POMT1: variants seen among roughly 807,000 people sequenced by gnomAD.
POMT1 encodes the protein protein O-mannosyl-transferase 1.
Under a neutral mutation model 101.6 loss-of-function variants are expected in POMT1, and 85 were observed. That is an observed-to-expected ratio of 0.84 (90% CI 0.70 to 1.00). The LOEUF (loss-of-function observed/expected upper bound fraction) is 1.00, where lower values mean the gene tolerates loss of function less well. Among genes scored for constraint, POMT1 ranks in the 50% least tolerant of loss-of-function variants. The pLI, the probability that POMT1 is intolerant of heterozygous loss-of-function variation, is 0.00. For synonymous variants in POMT1, 371 were observed against 383.0 expected (o/e 0.97, Z 0.37); for missense variants, 857 against 930.4 (o/e 0.92, Z 1.03).
chr9:131,504,111 G>T, intron 1 of POMT1, 78 bp from the exon 2 acceptor site: 1 of 1,552,822 alleles, frequency 6.4e-7, no homozygotes, highest in South Asian at 1.1e-5. Context: ...TCGTGTGTCC[G>T]GGAGCCGGGT....
chr9:131,515,738 G>A (rs1279914985), intron 13 of POMT1, among the ~76,000 whole-genome samples: 2 of 32,946 alleles, frequency 6.1e-5, no homozygotes, highest in African/African-American at 8.1e-5. Context: ...CCTGTAACAG[G>A]ACACTTCCTC....
At chr9:131,515,131 C>T (rs147022187) in intron 12 of POMT1, among the ~76,000 whole-genome samples, 148 of 152,310 alleles carry the variant, frequency 9.7e-4, no homozygotes, top group African/African-American at 3.4e-3. Context: ...CCTGGGCGCA[C>T]GGTTCCTTCC....
At chr9:131,515,752 CGGAGCACTTCCTCTAACAT>C (rs1408473919) in intron 13 of POMT1, among the ~76,000 whole-genome samples, 3 of 38,270 alleles carry the variant, frequency 7.8e-5, no homozygotes, top group African/African-American at 1.9e-4. Context: ...CTTCCTCACA[CGGAGCACTTCCTCTAACAT>C]GGAGCACTTC....
Position 131,522,386 on chromosome 9 carries a change from CA to C in POMT1, c.2003+163del. On this transcript the variant is annotated intron_variant, in intron 19 of 19. Coordinates refer to ENST00000402686, the MANE Select transcript of POMT1 (RefSeq NM_001077365.2). The surrounding 1 kb of genome is among the most constrained non-coding windows in gnomAD (Gnocchi z 5.5). Reference sequence around the variant, plus strand: ...ATGGGTGAGGTTCAGAAGAGATGCCCAGATGAGGCACTGCAGGAACCCAGAG... The same window carrying C: ...ATGGGTGAGGTTCAGAAGAGATGCCCGATGAGGCACTGCAGGAACCCAGAG... 5 of 1,392,106 alleles carry C rather than the reference CA, an allele frequency of 3.6e-6. No individual in the cohort carries two copies. The highest frequency in any genetic ancestry group is 4.8e-6 in the Non-Finnish European group (5 of 1,040,514). 86.2% of individuals were successfully genotyped at this position (1,392,106 alleles called of 1,614,324 possible). A position where few individuals can be genotyped will look rare whatever the true frequency, so the allele number is the denominator to read the frequency against.
Position 131,508,904 on chromosome 9 carries a change from G to A in POMT1, c.428-7G>A, listed in dbSNP as rs1163773811. ...TAAAATTGACATGTGTTTCCTCTTTGAAACAGAGAATGCTCTCATCACTCA... is the reference window on the plus strand; with the variant it reads ...TAAAATTGACATGTGTTTCCTCTTTAAAACAGAGAATGCTCTCATCACTCA... On this transcript the variant is annotated splice_region_variant and splice_polypyrimidine_tract_variant and intron_variant, in intron 5 of 19. Coordinates refer to ENST00000402686, the MANE Select transcript of POMT1 (RefSeq NM_001077365.2). 3.1e-6 allele frequency: 5 copies of A among 1,597,468 alleles called. No homozygotes were observed. Among genetic ancestry groups the A allele is most frequent in the Non-Finnish European group, 4.3e-6 (5 of 1,164,896 alleles).
rs139747841 is a variant in POMT1, at chr9:131,513,402, G to A, written c.1175+71G>A. 1.6e-4 allele frequency: 226 copies of A among 1,407,154 alleles called. No individual in the cohort carries two copies. In the African/African-American group the frequency reaches 2.3e-3, roughly 14 times the overall value. 87.2% of individuals were successfully genotyped at this position (1,407,154 alleles called of 1,614,324 possible). A position where few individuals can be genotyped will look rare whatever the true frequency, so the allele number is the denominator to read the frequency against. On this transcript the variant is annotated intron_variant, in intron 12 of 19. Transcript: ENST00000402686. ...TGTGGTTCTCTGTTCAGACCAAAAC[G>A]TGAGCCCTGCCTTGGGCCGCTGCCC...
At chr9:131,511,297 T>TTTCTGTCTCTCACTCATCAACCTTCTGC (rs753031805) in intron 9 of POMT1, 40 bp from the exon 10 acceptor site, 1 of 1,579,776 alleles carries the variant, frequency 6.3e-7, no homozygotes, top group South Asian at 1.1e-5. Context: ...GTCATTTTTC[T>TTTCTGTCTCTCACTCATCAACCTTCTGC]TTCTGTCTCT....
Position 131,519,565 on chromosome 9 carries a change from AC to A in POMT1, c.1584+80del. The A allele has an allele frequency of 7.3e-7, 1 of 1,363,050 alleles. No individual in the cohort carries two copies. The highest frequency in any genetic ancestry group is 1.0e-6 in the Non-Finnish European group (1 of 987,762). 84.4% of individuals were successfully genotyped at this position (1,363,050 alleles called of 1,614,324 possible). ...CAGGGAGGCCTGGGGGCTGCACAGGACTCAAACCAGAGTCAGGCTTTGACGC... is the reference window on the plus strand; with the variant it reads ...CAGGGAGGCCTGGGGGCTGCACAGGATCAAACCAGAGTCAGGCTTTGACGC... On this transcript the variant is annotated intron_variant, in intron 16 of 19. Coordinates refer to ENST00000402686, the MANE Select transcript of POMT1 (RefSeq NM_001077365.2). This position sits in a 1 kb window ranked among gnomAD's most constrained non-coding sequence, Gnocchi z 4.3.
At position 131,512,044 on chromosome 9, in the gene POMT1, T is replaced by A. The variant is rs765230689; in HGVS notation, c.990T>A (p.Tyr330Ter). Reference protein sequence around the residue: ...HSHQDTYPMIYENGRGSSHQQ... With the variant: ...HSHQDTYPMI The stretch of plus-strand genomic sequence containing the variant: ...TCTCTTTGTTGACTTCACACAGATA[T>A]GAGAACGGCCGAGGCAGCTCCCACC... Residue 330 changes from tyrosine (Y) to a stop codon, truncating the protein, a stop_gained, in exon 11 of 20, where the codon TAT (tyrosine) becomes TAA (stop). Coordinates refer to ENST00000402686, the MANE Select transcript of POMT1 (RefSeq NM_001077365.2). LOFTEE classifies it high-confidence loss of function. The A allele has an allele frequency of 1.4e-5, 22 of 1,613,952 alleles. No individual in the cohort carries two copies. Among genetic ancestry groups the A allele is most frequent in the Non-Finnish European group, 1.8e-5 (21 of 1,179,986 alleles).
rs891100685 is a variant in POMT1, at chr9:131,503,301, G to C, written c.-31+228G>C. ...CCTAGGGAGGAAGGGCGTGCTGCGG[G>C]TGCAGTCTCAGGGTGAGGACGGAGC... is the stretch of plus-strand genomic sequence containing the variant. On this transcript the variant is annotated intron_variant, in intron 1 of 19. Transcript: ENST00000402686. This position sits in a 1 kb window ranked among gnomAD's most constrained non-coding sequence, Gnocchi z 4.4. 6.5e-6 allele frequency: 1 copy of C among 152,894 alleles called. No homozygotes were observed. Among genetic ancestry groups the C allele is most frequent in the African/African-American group, 2.4e-5 (1 of 41,586 alleles). The allele number at this position is 152,894 out of a possible 1,614,324, so 9.5% of individuals were successfully genotyped here.
At chr9:131,521,058 G>T in intron 17 of POMT1, 1 of 442,408 alleles carries the variant, frequency 2.3e-6, no homozygotes, top group Non-Finnish European at 4.2e-6. Flanking sequence ...GGGCAGGCTG[G>T]TCTCAAACTC....
chr9:131,509,431 G>A (rs916488524), intron 6 of POMT1, among the ~76,000 whole-genome samples: 5 of 152,234 alleles, frequency 3.3e-5, no homozygotes, highest in Non-Finnish European at 5.9e-5. Context: ...GATTACAGGT[G>A]TGAGCCTCTG....
At chr9:131,506,780 G>T (rs981107079) in intron 4 of POMT1, 2 of 387,240 alleles carry the variant, frequency 5.2e-6, no homozygotes, top group South Asian at 2.3e-5. Flanking sequence ...TGAAAATAGG[G>T]AGGGTAGGCC....
At chr9:131,504,138 T>G (rs1242141589) in intron 1 of POMT1, 51 bp from the exon 2 acceptor site, 12 of 1,608,782 alleles carry the variant, frequency 7.5e-6, no homozygotes, top group African/African-American at 1.3e-5. Flanking sequence ...GGATCCCTTC[T>G]GTAGCCTCTC....
At position 131,509,989 on chromosome 9, in the gene POMT1, T is replaced by A. The variant is rs759156674; in HGVS notation, c.692T>A (p.Leu231Ter). ...TGGCACCTGCTTGGAGACCAGACTT[T>A]GTCCAATGTAGGTGCTGATGTCCAG... ...HAWHLLGDQT[L>*]SNVCVFCHLL... Residue 231 changes from leucine (L) to a stop codon, truncating the protein, a stop_gained, in exon 8 of 20, where the codon TTG becomes TAG. Transcript: ENST00000402686. LOFTEE classifies it high-confidence loss of function. 1.2e-6 allele frequency: 2 copies of A among 1,614,110 alleles called. No homozygotes were observed. Among genetic ancestry groups the A allele is most frequent in the Non-Finnish European group, 1.7e-6 (2 of 1,180,048 alleles).
intron 12 of POMT1, among the ~76,000 whole-genome samples, chr9:131,514,554 G>C (rs1947871243): frequency 6.6e-6 from 1 of 152,260 alleles, no homozygotes; most frequent in Non-Finnish European, 1.5e-5. Context: ...CTGTTTCCCA[G>C]AGGGCTGTGA....
At position 131,521,375 on chromosome 9, in the gene POMT1, G is replaced by A; in HGVS notation, c.1728G>A (p.Val576=). Reference sequence around the variant, plus strand: ...AGATCCACCTACTTGGAAACATAGTGATCTGGGTTTCGGGCAGCCTCGCTC... The same window carrying A: ...AGATCCACCTACTTGGAAACATAGTAATCTGGGTTTCGGGCAGCCTCGCTC... ...SAQIHLLGNI[V]IWVSGSLALA... The change falls in exon 18 of 20, where the codon GTG becomes GTA. Residue 576 remains valine, a synonymous_variant. Coordinates refer to ENST00000402686, the MANE Select transcript of POMT1 (RefSeq NM_001077365.2). 1 of 1,614,158 alleles carries A rather than the reference G, an allele frequency of 6.2e-7. No homozygotes were observed. Among genetic ancestry groups the A allele is most frequent in the Non-Finnish European group, 8.5e-7 (1 of 1,180,002 alleles).
intron 14 of POMT1, 128 bp from the exon 15 acceptor site, chr9:131,518,709 A>C: frequency 6.6e-7 from 1 of 1,509,962 alleles, no homozygotes; most frequent in Non-Finnish European, 9.2e-7. Context: ...ATGGAATCCC[A>C]ATGTGAATCT....
intron 2 of POMT1, among the ~76,000 whole-genome samples, chr9:131,505,024 C>G (rs1357639724): frequency 1.3e-5 from 2 of 152,164 alleles, no homozygotes; most frequent in African/African-American, 2.4e-5. Context: ...GATCCACCCA[C>G]CTGGGTCTCC....
Sources: gnomAD v4.1 joint callset for allele counts (sites outside exome capture counted in the v4.1 genomes callset) on GRCh38, gnomAD v4.1.1 for gene constraint, Gnocchi (gnomAD v3.1) non-coding constraint, MANE v1.5 for transcripts, NCBI Gene and HGNC (gene_info 2026-07-23, HGNC 2026-07-21) for gene names.